Variants in FOXRED1 observed in about 807,000 individuals in gnomAD.
FOXRED1 encodes the protein FAD dependent oxidoreductase domain containing 1, also known as FAD-dependent oxidoreductase domain-containing protein 1.
In FOXRED1, 52 loss-of-function variants were observed where a neutral mutation model predicts 57.8. That is an observed-to-expected ratio of 0.90 (90% CI 0.72 to 1.13). The LOEUF is 1.13. Among genes scored for constraint, FOXRED1 ranks in the 50% most tolerant of loss-of-function variants. The pLI is 0.00. For missense variants in FOXRED1, 589 were observed against 625.2 expected (o/e 0.94, Z 0.62); for synonymous variants, 271 against 248.3 (o/e 1.09, Z -0.86).
chr11:126,272,416 C>A lies in FOXRED1; in HGVS notation c.307-553C>A. 5.1e-6 allele frequency: 1 copy of A among 196,846 alleles called. No individual in the cohort carries two copies. The highest frequency in any genetic ancestry group is 9.0e-5 in the South Asian group (1 of 11,154). 12.2% of individuals were successfully genotyped at this position (196,846 alleles called of 1,614,324 possible). A position where few individuals can be genotyped will look rare whatever the true frequency, so the allele number is the denominator to read the frequency against. On this transcript the variant is annotated intron_variant, in intron 2 of 10. Coordinates refer to ENST00000263578, the MANE Select transcript of FOXRED1 (RefSeq NM_017547.4). The surrounding 1 kb of genome is among the most constrained non-coding windows in gnomAD (Gnocchi z 4.6). Reference sequence around the variant, plus strand: ...CAAGTGGTCCTCCCACCTTAGCCTCCAGAGTAGCTGGGACCACAGGCATGC... The same window carrying A: ...CAAGTGGTCCTCCCACCTTAGCCTCAAGAGTAGCTGGGACCACAGGCATGC...
intron 7 of FOXRED1, 39 bp from the exon 8 acceptor site, chr11:126,276,020 G>A: frequency 6.2e-7 from 1 of 1,612,404 alleles, no homozygotes; most frequent in Non-Finnish European, 8.5e-7. Flanking sequence ...CTGGTGTGTG[G>A]TCCGGGCCTT....
In FOXRED1 at chr11:126,269,328, G is replaced by A. The variant is rs965691143; in HGVS notation, c.85+37G>A. On this transcript the variant is annotated intron_variant, in intron 1 of 10. Coordinates refer to ENST00000263578, the MANE Select transcript of FOXRED1 (RefSeq NM_017547.4). ...GACGACAGAGGGTATTGTGGTTCTGGGTTGTCCCCAACCTCCGACTGTGTG... is the reference window on the plus strand; with the variant it reads ...GACGACAGAGGGTATTGTGGTTCTGAGTTGTCCCCAACCTCCGACTGTGTG... The A allele has an allele frequency of 2.5e-6, 4 of 1,613,890 alleles. No homozygotes were observed. In the African/African-American group the frequency reaches 5.3e-5, roughly 22 times the overall value.
rs1160643946 is a variant in FOXRED1 at position 126,269,173 on chromosome 11, T to C, written c.-34T>C. 1.5e-5 allele frequency: 22 copies of C among 1,510,766 alleles called. No individual in the cohort carries two copies. Among genetic ancestry groups the C allele is most frequent in the Non-Finnish European group, 2.0e-5 (22 of 1,087,144 alleles). 93.6% of individuals were successfully genotyped at this position (1,510,766 alleles called of 1,614,324 possible). Reference sequence around the variant, plus strand: ...GGCTGCGATAATAGCGAGGCAGCAGTGCAGCTTTCAGAGGGTCCGGGCTCA... The same window carrying C: ...GGCTGCGATAATAGCGAGGCAGCAGCGCAGCTTTCAGAGGGTCCGGGCTCA... On this transcript the variant is annotated 5_prime_UTR_variant, in exon 1 of 11. Transcript: ENST00000263578.
At position 126,275,255 on chromosome 11, in the gene FOXRED1, G is replaced by A. The variant is rs938888222; in HGVS notation, c.632-72G>A. ...CTTACAAGCCCTAGAGAGGGGTTGG[G>A]GGGCACAGGAAATACAATCCAAGAG... is the stretch of plus-strand genomic sequence containing the variant. On this transcript the variant is annotated intron_variant, in intron 5 of 10. Transcript: ENST00000263578. The surrounding 1 kb of genome is among the most constrained non-coding windows in gnomAD (Gnocchi z 5.9). The A allele has an allele frequency of 8.6e-6, 10 of 1,165,812 alleles. No individual in the cohort carries two copies. The highest frequency in any genetic ancestry group is 7.5e-5 in the African/African-American group (5 of 66,398). The allele number at this position is 1,165,812 out of a possible 1,614,324, so 72.2% of individuals were successfully genotyped here.
In FOXRED1 at chr11:126,271,652, C is replaced by A. The variant is rs373938426; in HGVS notation, c.301C>A (p.His101Asn). The change falls in exon 2 of 11, where the codon CAC becomes AAC. Residue 101 changes from histidine to asparagine, a missense_variant. His to Asn is a moderately conservative substitution (Grantham distance 68). Transcript: ENST00000263578. This position sits in a 1 kb window ranked among gnomAD's most constrained non-coding sequence, Gnocchi z 5.3. Reference protein sequence around the residue: ...AIRVLVVERDHTYSQASTGLS... With the variant: ...AIRVLVVERDNTYSQASTGLS... ...TCGAGTGCTAGTGGTGGAACGGGAC[C>A]ACACGGTGAGGTCTGGGGTAGGGCA... The A allele has an allele frequency of 3.1e-6, 5 of 1,612,902 alleles. No individual in the cohort carries two copies. The Admixed American group carries it at 6.7e-5, about 22-fold the overall frequency.
intron 1 of FOXRED1, 49 bp downstream of exon 1, chr11:126,269,340 C>T (rs1950905002): frequency 1.9e-6 from 3 of 1,613,732 alleles, no homozygotes; most frequent in African/African-American, 1.3e-5. Context: ...TTGTCCCCAA[C>T]CTCCGACTGT....
rs749110767 is a variant in FOXRED1 at position 126,276,122 on chromosome 11, G to A, written c.874G>A (p.Gly292Arg). Residue 292 changes from glycine (G) to arginine (R), a missense_variant, in exon 8 of 11, where the codon GGA becomes AGA. Physicochemically the swap from Gly to Arg is moderately radical, Grantham distance 125 (BLOSUM62 -2). Coordinates refer to ENST00000263578, the MANE Select transcript of FOXRED1 (RefSeq NM_017547.4). ...ATGCGCCATTGTGATCAACGCAGCC[G>A]GAGCCTGGTCTGCGCAAATCGCAGC... ...VECAIVINAA[G>R]AWSAQIAALA... 19 of 1,612,496 alleles carry A rather than the reference G, an allele frequency of 1.2e-5. No individual in the cohort carries two copies. Among genetic ancestry groups the A allele is most frequent in the Middle Eastern group, 1.6e-4 (1 of 6,084 alleles).
Position 126,271,343 on chromosome 11 carries a change from C to CT in FOXRED1, c.86-93dup. The CT allele has an allele frequency of 1.1e-6, 1 of 895,956 alleles. No homozygotes were observed. The highest frequency in any genetic ancestry group is 1.9e-6 in the Non-Finnish European group (1 of 532,358). 55.5% of individuals were successfully genotyped at this position (895,956 alleles called of 1,614,324 possible). On this transcript the variant is annotated intron_variant, in intron 1 of 10. Transcript: ENST00000263578. The surrounding 1 kb of genome is among the most constrained non-coding windows in gnomAD (Gnocchi z 5.3). ...CAGTGGGGACTGCCAACTCATGTGT[C>CT]TGTTTAGCTCACCTTTTCCTGTGCC...
Position 126,272,866 on chromosome 11 carries a change from C to G in FOXRED1, c.307-103C>G, listed in dbSNP as rs1951026082. 1 of 752,924 alleles carries G rather than the reference C, an allele frequency of 1.3e-6. No homozygotes were observed. The highest frequency in any genetic ancestry group is 2.5e-6 in the Non-Finnish European group (1 of 407,454). 46.6% of individuals were successfully genotyped at this position (752,924 alleles called of 1,614,324 possible). ...TTAGATTATAGACTTGCAAATAGGACTCCCCTTCAACTTTAGGTGTATAGC... is the reference window on the plus strand; with the variant it reads ...TTAGATTATAGACTTGCAAATAGGAGTCCCCTTCAACTTTAGGTGTATAGC... On this transcript the variant is annotated intron_variant, in intron 2 of 10. Coordinates refer to ENST00000263578, the MANE Select transcript of FOXRED1 (RefSeq NM_017547.4). This position sits in a 1 kb window ranked among gnomAD's most constrained non-coding sequence, Gnocchi z 4.6.
chr11:126,276,701 C>G (rs1951159169), intron 9 of FOXRED1, among the ~76,000 whole-genome samples, 178 bp downstream of exon 9: 1 of 151,752 alleles, frequency 6.6e-6, no homozygotes, highest in Non-Finnish European at 1.5e-5. Context: ...CATGGCAAAA[C>G]CCCGTCTCTA....
chr11:126,271,342 T>C lies in FOXRED1; in HGVS notation c.86-95T>C. The C allele has an allele frequency of 1.1e-6, 1 of 887,314 alleles. No homozygotes were observed. The highest frequency in any genetic ancestry group is 1.7e-5 in the Admixed American group (1 of 57,444). 55.0% of individuals were successfully genotyped at this position (887,314 alleles called of 1,614,324 possible). A position where few individuals can be genotyped will look rare whatever the true frequency, so the allele number is the denominator to read the frequency against. ...ACAGTGGGGACTGCCAACTCATGTG[T>C]CTGTTTAGCTCACCTTTTCCTGTGC... On this transcript the variant is annotated intron_variant, in intron 1 of 10. Coordinates refer to ENST00000263578, the MANE Select transcript of FOXRED1 (RefSeq NM_017547.4). This position sits in a 1 kb window ranked among gnomAD's most constrained non-coding sequence, Gnocchi z 5.3.
Position 126,272,124 on chromosome 11 carries a change from G to A in FOXRED1, c.306+467G>A, listed in dbSNP as rs1473248681. 6.6e-6 allele frequency among the ~76,000 whole-genome samples: 1 copy of A among 151,888 alleles called. No homozygotes were observed. Among genetic ancestry groups the A allele is most frequent in the Non-Finnish European group, 1.5e-5 (1 of 67,994 alleles). ...TTACAGGGACACACCCTGATGCCCA[G>A]CTATTTTTTGTATTTTTAGTAGAGA... On this transcript the variant is annotated intron_variant, in intron 2 of 10. Coordinates refer to ENST00000263578, the MANE Select transcript of FOXRED1 (RefSeq NM_017547.4). The surrounding 1 kb of genome is among the most constrained non-coding windows in gnomAD (Gnocchi z 4.6).
Position 126,274,120 on chromosome 11 carries a change from A to G in FOXRED1, c.536+666A>G, listed in dbSNP as rs1251742940. 6.4e-6 allele frequency: 1 copy of G among 157,192 alleles called. No homozygotes were observed. The highest frequency in any genetic ancestry group is 1.4e-5 in the Non-Finnish European group (1 of 70,964). The allele number at this position is 157,192 out of a possible 1,614,324, so 9.7% of individuals were successfully genotyped here. On this transcript the variant is annotated intron_variant, in intron 4 of 10. Coordinates refer to ENST00000263578, the MANE Select transcript of FOXRED1 (RefSeq NM_017547.4). This position sits in a 1 kb window ranked among gnomAD's most constrained non-coding sequence, Gnocchi z 4.8. The stretch of plus-strand genomic sequence containing the variant: ...CTCATTTAATCATCAGAACATCCCC[A>G]TTTTACATATGAGGAAACTGAGGCA...
rs1378518269 is a variant in FOXRED1 at position 126,271,960 on chromosome 11, C to T, written c.306+303C>T. On this transcript the variant is annotated intron_variant, in intron 2 of 10. Coordinates refer to ENST00000263578, the MANE Select transcript of FOXRED1 (RefSeq NM_017547.4). This position sits in a 1 kb window ranked among gnomAD's most constrained non-coding sequence, Gnocchi z 5.3. ...AGCTATAATTAAGTGTCTCAATTTT[C>T]TCTTTTTTTTTTTTTTTTTGAGACA... 5 of 332,572 alleles carry T rather than the reference C, an allele frequency of 1.5e-5. No homozygotes were observed. The highest frequency in any genetic ancestry group is 5.4e-5 in the South Asian group (2 of 36,914). The allele number at this position is 332,572 out of a possible 1,614,324, so 20.6% of individuals were successfully genotyped here. A position where few individuals can be genotyped will look rare whatever the true frequency, so the allele number is the denominator to read the frequency against.
At position 126,275,309 on chromosome 11, in the gene FOXRED1, C is replaced by A. The variant is rs376645918; in HGVS notation, c.632-18C>A. Reference sequence around the variant, plus strand: ...AAGTCCTCATCCCTCTTTGTGAGTTCTCTTTTTCTTATCACAGGGATGGAG... The same window carrying A: ...AAGTCCTCATCCCTCTTTGTGAGTTATCTTTTTCTTATCACAGGGATGGAG... On this transcript the variant is annotated intron_variant, in intron 5 of 10. Coordinates refer to ENST00000263578, the MANE Select transcript of FOXRED1 (RefSeq NM_017547.4). The surrounding 1 kb of genome is among the most constrained non-coding windows in gnomAD (Gnocchi z 5.9). The A allele has an allele frequency of 2.8e-5, 44 of 1,561,784 alleles. No individual in the cohort carries two copies. The highest frequency in any genetic ancestry group is 3.7e-5 in the Non-Finnish European group (42 of 1,132,462).
Position 126,278,037 on chromosome 11 carries a change from A to G in FOXRED1, c.*348A>G. ...CCCTCTTAGCAGACAGAGCCCAGGC[A>G]TGGGAGCACTCTGGGGCAGCCTGGC... is the stretch of plus-strand genomic sequence containing the variant. On this transcript the variant is annotated 3_prime_UTR_variant, in exon 11 of 11. Coordinates refer to ENST00000263578, the MANE Select transcript of FOXRED1 (RefSeq NM_017547.4). This position sits in a 1 kb window ranked among gnomAD's most constrained non-coding sequence, Gnocchi z 4.8. The G allele has an allele frequency of 1.9e-6, 1 of 530,792 alleles. No individual in the cohort carries two copies. The highest frequency in any genetic ancestry group is 3.6e-6 in the Non-Finnish European group (1 of 277,038). The allele number at this position is 530,792 out of a possible 1,614,324, so 32.9% of individuals were successfully genotyped here.
In FOXRED1 at chr11:126,271,970, T is replaced by G; in HGVS notation, c.306+313T>G. 2.8e-6 allele frequency: 1 copy of G among 353,886 alleles called. No homozygotes were observed. Among genetic ancestry groups the G allele is most frequent in the Non-Finnish European group, 5.5e-6 (1 of 182,198 alleles). 21.9% of individuals were successfully genotyped at this position (353,886 alleles called of 1,614,324 possible). On this transcript the variant is annotated intron_variant, in intron 2 of 10. Coordinates refer to ENST00000263578, the MANE Select transcript of FOXRED1 (RefSeq NM_017547.4). The surrounding 1 kb of genome is among the most constrained non-coding windows in gnomAD (Gnocchi z 5.3). ...AAGTGTCTCAATTTTCTCTTTTTTTTTTTTTTTTTGAGACAGAGTCTTGCT... is the reference window on the plus strand; with the variant it reads ...AAGTGTCTCAATTTTCTCTTTTTTTGTTTTTTTTTGAGACAGAGTCTTGCT...
At chr11:126,269,495 A>C in intron 1 of FOXRED1, 2 of 862,894 alleles carry the variant, frequency 2.3e-6, no homozygotes, top group Non-Finnish European at 3.8e-6. Flanking sequence ...GGCAGGTCTC[A>C]CATCATTCTC....
chr11:126,275,847 T>G lies in FOXRED1; in HGVS notation c.787T>G (p.Leu263Val), dbSNP rs746514649. 6.2e-7 allele frequency: 1 copy of G among 1,612,004 alleles called. No homozygotes were observed. The highest frequency in any genetic ancestry group is 1.1e-5 in the South Asian group (1 of 91,066). ...MLTTDDKAVV[L>V]KRIHEVHVKM... Reference sequence around the variant, plus strand: ...GACCACAGATGACAAAGCGGTGGTCTTGAAAAGGATCCATGAAGTCCATGT... The same window carrying G: ...GACCACAGATGACAAAGCGGTGGTCGTGAAAAGGATCCATGAAGTCCATGT... Residue 263 changes from leucine to valine, a missense_variant, in exon 7 of 11, where the codon TTG (leucine) becomes GTG (valine). Transcript: ENST00000263578. This position sits in a 1 kb window ranked among gnomAD's most constrained non-coding sequence, Gnocchi z 5.9.
Sources: allele counts gnomAD v4.1 joint callset (sites outside exome capture counted in the v4.1 genomes callset), GRCh38; gene constraint gnomAD v4.1.1; non-coding constraint Gnocchi (gnomAD v3.1); transcripts MANE v1.5; gene names NCBI Gene and HGNC (gene_info 2026-07-23, HGNC 2026-07-21).